The following ARAP1 variants were observed in gnomAD, a reference collection of about 807,000 sequenced individuals.
The protein encoded by ARAP1 is ArfGAP with RhoGAP domain, ankyrin repeat and PH domain 1.
A neutral mutation model predicts 172.2 loss-of-function variants in ARAP1; 76 were observed. The ratio of observed to expected loss-of-function variants is 0.44; its 90% CI spans 0.37 to 0.53. The LOEUF (loss-of-function observed/expected upper bound fraction) is 0.53. ARAP1 is among the 20% of genes least tolerant of loss of function. The probability of loss-of-function intolerance (pLI) is 0.00; values close to 1 mark genes in which losing one functional copy is unlikely to be tolerated. For synonymous variants in ARAP1, 804 were observed against 803.3 expected (o/e 1.00, Z -0.01); for missense variants, 1,686 against 1,977.5 (o/e 0.85, Z 2.80).
intron 1 of ARAP1, among the ~76,000 whole-genome samples, chr11:72,734,514 G>C (rs1857954581): frequency 6.6e-6 from 1 of 152,160 alleles, no homozygotes; most frequent in South Asian, 2.1e-4. Flanking sequence ...ACGACAATTT[G>C]AAACAAGAAA....
intron 1 of ARAP1, among the ~76,000 whole-genome samples, chr11:72,744,102 G>C (rs1422292006): frequency 6.6e-6 from 1 of 152,084 alleles, no homozygotes; most frequent in Non-Finnish European, 1.5e-5. Context: ...TGAGGAAGCA[G>C]TCTCCGACTC....
At chr11:72,734,357 G>A (rs907572841) in intron 1 of ARAP1, among the ~76,000 whole-genome samples, 5 of 152,290 alleles carry the variant, frequency 3.3e-5, no homozygotes, top group Admixed American at 2.6e-4. Flanking sequence ...TTGGCCTCAA[G>A]CAATCCTCCC....
intron 2 of ARAP1, 122 bp downstream of exon 2, chr11:72,732,393 A>G (rs1391785435): frequency 6.6e-6 from 1 of 152,422 alleles, no homozygotes; most frequent in East Asian, 1.9e-4. Flanking sequence ...TCTCAAGCTC[A>G]GTTCTCAAAA....
In ARAP1 at chr11:72,695,197, C is replaced by A; in HGVS notation, c.3577-100G>T. 7.1e-7 allele frequency: 1 copy of A among 1,399,332 alleles called. No homozygotes were observed. The highest frequency in any genetic ancestry group is 1.0e-6 in the Non-Finnish European group (1 of 1,001,218). The allele number at this position is 1,399,332 out of a possible 1,614,324, so 86.7% of individuals were successfully genotyped here. A position where few individuals can be genotyped will look rare whatever the true frequency, so the allele number is the denominator to read the frequency against. On this transcript the variant is annotated intron_variant, in intron 26 of 34. Transcript: ENST00000393609. The surrounding 1 kb of genome is among the most constrained non-coding windows in gnomAD (Gnocchi z 4.4). ...GAGCCTGAGCCCATCCTTCTCAGGC[C>A]CTTCTGGAGTCCTGGGATAGAGAGG...
chr11:72,693,269 G>A lies in ARAP1; in HGVS notation c.3954+56C>T. On this transcript the variant is annotated intron_variant, in intron 29 of 34. Transcript: ENST00000393609. The surrounding 1 kb of genome is among the most constrained non-coding windows in gnomAD (Gnocchi z 4.6). ...CTTGCAGACCAAGGGGAATCTCTGA[G>A]CACATTCAGGTGTACAGGTGCCCAC... The A allele has an allele frequency of 5.7e-6, 9 of 1,583,408 alleles. No individual in the cohort carries two copies. The highest frequency in any genetic ancestry group is 7.7e-6 in the Non-Finnish European group (9 of 1,162,136).
chr11:72,687,293 T>G, intron 33 of ARAP1, 146 bp downstream of exon 33: 1 of 1,050,132 alleles, frequency 9.5e-7, no homozygotes, highest in Non-Finnish European at 1.4e-6. Flanking sequence ...AAGGGTTTAT[T>G]GAATAAACTA....
At chr11:72,685,888 CAA>C in intron 34 of ARAP1, 152 bp downstream of exon 34, 1 of 1,447,938 alleles carries the variant, frequency 6.9e-7, no homozygotes. Flanking sequence ...TGGTGTGAAC[CAA>C]AGAGGCCTAT....
At chr11:72,708,133 G>A (rs941907214) in intron 11 of ARAP1, 9 of 151,900 alleles carry the variant, frequency 5.9e-5, no homozygotes, top group African/African-American at 1.5e-4. Flanking sequence ...TGCCACCACC[G>A]AGTCACACAT....
chr11:72,752,075 C>T (rs1858546939), intron 1 of ARAP1, among the ~76,000 whole-genome samples: 1 of 152,248 alleles, frequency 6.6e-6, no homozygotes, highest in Admixed American at 6.5e-5. Flanking sequence ...CTCCAGAGAC[C>T]CTTCACGCCA....
intron 3 of ARAP1, among the ~76,000 whole-genome samples, chr11:72,715,712 A>G (rs1048654561): frequency 1.3e-5 from 2 of 151,940 alleles, no homozygotes; most frequent in African/African-American, 4.8e-5. Flanking sequence ...GTGGGTCTCA[A>G]GGTGTAGAGA....
At chr11:72,714,881 C>T (rs1857208178) in intron 3 of ARAP1, among the ~76,000 whole-genome samples, 1 of 152,120 alleles carries the variant, frequency 6.6e-6, no homozygotes, top group African/African-American at 2.4e-5. Flanking sequence ...TCACCTGATC[C>T]CACCAGACCC....
chr11:72,720,039 T>C (rs1345977149), intron 3 of ARAP1, among the ~76,000 whole-genome samples: 1 of 152,130 alleles, frequency 6.6e-6, no homozygotes, highest in Non-Finnish European at 1.5e-5. Flanking sequence ...TGTGCTTCAC[T>C]GAACTGCCTC....
Position 72,695,756 on chromosome 11 carries a change from C to T in ARAP1, c.3382G>A (p.Val1128Met). 1 of 1,614,218 alleles carries T rather than the reference C, an allele frequency of 6.2e-7. No individual in the cohort carries two copies. The highest frequency in any genetic ancestry group is 1.3e-5 in the African/African-American group (1 of 75,066). Residue 1128 changes from valine (V) to methionine (M), a missense_variant, in exon 24 of 35, where the codon GTG becomes ATG. Val to Met is a conservative substitution (Grantham distance 21). Coordinates refer to ENST00000393609, the MANE Select transcript of ARAP1 (RefSeq NM_001040118.3). The surrounding 1 kb of genome is among the most constrained non-coding windows in gnomAD (Gnocchi z 4.4). ...ACATAGTGGTTAATGAGGTCTTCCA[C>T]CACACGGCCAGCCTTGTAGTCCTGC... is the stretch of plus-strand genomic sequence containing the variant. ...DGQDYKAGRV[V>M]EDLINHYVVV... is the part of the protein sequence containing the mutation.
chr11:72,685,849 C>A, intron 34 of ARAP1, 168 bp from the exon 35 acceptor site: 1 of 1,343,624 alleles, frequency 7.4e-7, no homozygotes, highest in South Asian at 1.3e-5. Flanking sequence ...TCCCAGCTTC[C>A]AGGGCCAGGC....
At chr11:72,742,608 T>C (rs556868596) in intron 1 of ARAP1, among the ~76,000 whole-genome samples, 85 of 152,248 alleles carry the variant, frequency 5.6e-4, no homozygotes, top group African/African-American at 1.5e-3. Context: ...CCCCGATCCT[T>C]ACTGTCCAGA....
At chr11:72,707,462 C>G in intron 11 of ARAP1, 88 bp from the exon 12 acceptor site, 3 of 1,311,676 alleles carry the variant, frequency 2.3e-6, no homozygotes, top group South Asian at 1.4e-5. Flanking sequence ...AAGTGGGGGA[C>G]AAGGTGTTGG....
In ARAP1 at chr11:72,711,125, C is replaced by T. The variant is rs755884731; in HGVS notation, c.1109G>A (p.Arg370His). The T allele has an allele frequency of 3.7e-6, 6 of 1,614,062 alleles. No individual in the cohort carries two copies. The highest frequency in any genetic ancestry group is 5.1e-6 in the Non-Finnish European group (6 of 1,180,050). The change falls in exon 9 of 35, where the codon CGC (arginine) becomes CAC (histidine). Residue 370 changes from arginine to histidine, a missense_variant. This residue lies in a region of ARAP1 where 688 missense variants were observed against 856.9 expected (regional missense o/e 0.80). Transcript: ENST00000393609. ...GGAGATGCAGGCCACAGAGATAAAG[C>T]GCTTAGAGTAAGCGTCCTGGGGGAG... ...FDSNKDAYSK[R>H]FISVACISHV... is the part of the protein sequence containing the mutation.
rs555043222 is a variant in ARAP1 at position 72,705,937 on chromosome 11, C to T, written c.1724-47G>A. ...CAGAATCACCTGGGCCCCCCCTTCA[C>T]GGGAGCACTTACCCACCCCCAGTGT... On this transcript the variant is annotated intron_variant, in intron 12 of 34. Coordinates refer to ENST00000393609, the MANE Select transcript of ARAP1 (RefSeq NM_001040118.3). The T allele has an allele frequency of 3.1e-5, 49 of 1,597,378 alleles. No individual in the cohort carries two copies. In the East Asian group the frequency reaches 3.4e-4, roughly 11 times the overall value.
chr11:72,693,736 A>G lies in ARAP1; in HGVS notation c.3764T>C (p.Val1255Ala). The G allele has an allele frequency of 1.2e-6, 2 of 1,611,012 alleles. No individual in the cohort carries two copies. Among genetic ancestry groups the G allele is most frequent in the Non-Finnish European group, 1.7e-6 (2 of 1,178,618 alleles). ...LHGLGTDSHL[V>A]VKKHQAMEAM... ...CTCCATGGCCTGGTGCTTCTTCACC[A>G]CCAGGTGGCTGTCCGTGCCCAGCCC... The change falls in exon 28 of 35, where the codon GTG becomes GCG. Residue 1255 changes from valine to alanine, a missense_variant. Around this residue, in one of 5 missense-constraint regions of ARAP1, gnomAD observed 379 missense variants for 500.1 expected, o/e 0.76. Transcript: ENST00000393609. The surrounding 1 kb of genome is among the most constrained non-coding windows in gnomAD (Gnocchi z 4.6).
Sources: allele counts gnomAD v4.1 joint callset (sites outside exome capture counted in the v4.1 genomes callset), GRCh38; gene constraint gnomAD v4.1.1; regional missense constraint gnomAD v4.1.1; non-coding constraint Gnocchi (gnomAD v3.1); transcripts MANE v1.5; gene names NCBI Gene and HGNC (gene_info 2026-07-23, HGNC 2026-07-21).